Variants in CBLN2 observed in about 807,000 individuals in gnomAD.
CBLN2 encodes cerebellin 2 precursor.
CBLN2 carries 7 observed loss-of-function variants against 15.0 expected under a neutral mutation model. The ratio of observed to expected loss-of-function variants is 0.47; its 90% CI spans 0.27 to 0.88. The LOEUF is 0.88. CBLN2 is among the 40% of genes least tolerant of loss of function. CBLN2 has a pLI of 0.14. For missense variants in CBLN2, 242 were observed against 304.5 expected, an observed-to-expected ratio of 0.79 and a Z score of 1.53; for synonymous variants, 149 against 135.2, an observed-to-expected ratio of 1.10 and a Z score of -0.71.
rs564497790 is a variant in CBLN2 at position 72,538,486 on chromosome 18, A to T, written c.478-113T>A. The T allele has an allele frequency of 2.9e-4, 409 of 1,422,632 alleles. No individual in the cohort carries two copies. In the African/African-American group the frequency reaches 4.7e-3, roughly 16 times the overall value. 88.1% of individuals were successfully genotyped at this position (1,422,632 alleles called of 1,614,324 possible). The stretch of plus-strand genomic sequence containing the variant: ...CCCCCATCCTTCCCTTAGAGTACAC[A>T]TCAGGGGAGCCTGACAGTGAGCACT... On this transcript the variant is annotated intron_variant, in intron 4 of 4. Transcript: ENST00000269503.
At chr18:72,607,299 C>T (rs1003554171) in intron 1 of CBLN2, among the ~76,000 whole-genome samples, 4 of 152,166 alleles carry the variant, frequency 2.6e-5, no homozygotes, top group African/African-American at 9.7e-5. Flanking sequence ...GTTAAGCCAT[C>T]CTTAGCAGAT....
At chr18:72,581,430 A>G (rs2069403783) in intron 1 of CBLN2, among the ~76,000 whole-genome samples, 1 of 152,208 alleles carries the variant, frequency 6.6e-6, no homozygotes, top group Non-Finnish European at 1.5e-5. Context: ...TGGATGTTAT[A>G]ATAAATTTTA....
intron 1 of CBLN2, among the ~76,000 whole-genome samples, chr18:72,588,357 TTC>T (rs1188728556): frequency 1.3e-5 from 2 of 152,224 alleles, no homozygotes; most frequent in African/African-American, 2.4e-5. Context: ...AATATACATC[TTC>T]TCTTTTTCTT....
chr18:72,606,122 AT>A (rs2069581890), intron 1 of CBLN2, among the ~76,000 whole-genome samples: 1 of 152,180 alleles, frequency 6.6e-6, no homozygotes, highest in African/African-American at 2.4e-5. Context: ...AGCTTTTCCT[AT>A]TCTTTAGGAT....
chr18:72,575,596 G>A (rs1340486281), intron 1 of CBLN2, among the ~76,000 whole-genome samples: 1 of 152,126 alleles, frequency 6.6e-6, no homozygotes, highest in Non-Finnish European at 1.5e-5. Context: ...AGAAAGAAGA[G>A]CCCCTGTTTC....
At chr18:72,609,718 C>T (rs2069608232) in intron 1 of CBLN2, among the ~76,000 whole-genome samples, 1 of 152,198 alleles carries the variant, frequency 6.6e-6, no homozygotes, top group African/African-American at 2.4e-5. Context: ...CTCCTAATCA[C>T]TTCTTGTAAG....
upstream of CBLN2, among the ~76,000 whole-genome samples, chr18:72,545,057 C>A (rs1598991106): frequency 6.6e-6 from 1 of 152,230 alleles, no homozygotes; most frequent in South Asian, 2.1e-4. Context: ...CTCCAGACTT[C>A]ACACCGAACC....
chr18:72,552,783 C>G (rs907602755), intron 1 of CBLN2: 29 of 152,046 alleles, frequency 1.9e-4, no homozygotes, highest in Non-Finnish European at 1.5e-5. Flanking sequence ...ATCTTTTAAG[C>G]AGAAAATAGA....
intron 1 of CBLN2, among the ~76,000 whole-genome samples, chr18:72,580,236 T>C (rs1295617716): frequency 1.3e-5 from 2 of 152,142 alleles, no homozygotes; most frequent in Non-Finnish European, 2.9e-5. Flanking sequence ...CTAAATATTA[T>C]ACTTTATAAA....
intron 1 of CBLN2, among the ~76,000 whole-genome samples, chr18:72,553,741 G>A (rs921368819): frequency 8.5e-5 from 13 of 152,086 alleles, no homozygotes; most frequent in Non-Finnish European, 1.5e-4. Context: ...GGGAAACCGT[G>A]GAGCAATGAA....
chr18:72,591,682 C>T (rs1011366000), intron 1 of CBLN2, among the ~76,000 whole-genome samples: 1 of 152,100 alleles, frequency 6.6e-6, no homozygotes, highest in African/African-American at 2.4e-5. Flanking sequence ...CATCATTCTA[C>T]TCTCTATCTC....
At chr18:72,555,875 G>T (rs750849815) in intron 1 of CBLN2, among the ~76,000 whole-genome samples, 19 of 152,136 alleles carry the variant, frequency 1.2e-4, no homozygotes, top group Non-Finnish European at 2.5e-4. Flanking sequence ...CAAGGTATTT[G>T]CACTGTGGGG....
At chr18:72,605,180 G>A (rs2069575045) in intron 1 of CBLN2, among the ~76,000 whole-genome samples, 2 of 152,038 alleles carry the variant, frequency 1.3e-5, no homozygotes, top group African/African-American at 4.8e-5. Flanking sequence ...AAATATGATG[G>A]CCAACTTCCT....
intron 2 of CBLN2, among the ~76,000 whole-genome samples, chr18:72,542,703 C>G (rs535082027): frequency 1.0e-3 from 156 of 152,294 alleles, no homozygotes; most frequent in African/African-American, 3.7e-3. Context: ...GCCTTCTCGC[C>G]TTCATCTCAC....
chr18:72,581,585 T>C (rs2069405248), intron 1 of CBLN2, among the ~76,000 whole-genome samples: 1 of 152,226 alleles, frequency 6.6e-6, no homozygotes, highest in Admixed American at 6.5e-5. Flanking sequence ...GCTTATGTTC[T>C]CATGAGTTTT....
rs2069080993 is a variant in CBLN2 at position 72,538,138 on chromosome 18, C to A, written c.*38G>T. 8 of 1,607,764 alleles carry A rather than the reference C, an allele frequency of 5.0e-6. No homozygotes were observed. The highest frequency in any genetic ancestry group is 6.8e-6 in the Non-Finnish European group (8 of 1,174,462). ...GTTTTAAAGGGCGGAGTCCTGGGTC[C>A]AGTTTGCCATTCCCCCACCATCTAG... On this transcript the variant is annotated 3_prime_UTR_variant, in exon 5 of 5. Coordinates refer to ENST00000269503, the MANE Select transcript of CBLN2 (RefSeq NM_182511.4).
chr18:72,617,077 C>T (rs1420441017), intron 1 of CBLN2, among the ~76,000 whole-genome samples: 1 of 152,072 alleles, frequency 6.6e-6, no homozygotes, highest in African/African-American at 2.4e-5. Flanking sequence ...CCCACCACAC[C>T]TGGCTGACTT....
intron 1 of CBLN2, among the ~76,000 whole-genome samples, chr18:72,628,469 C>T (rs1295445965): frequency 3.9e-5 from 6 of 152,184 alleles, no homozygotes; most frequent in African/African-American, 1.4e-4. Context: ...CCTCAGGGAG[C>T]TCAAGGGCTA....
intron 1 of CBLN2, among the ~76,000 whole-genome samples, chr18:72,634,884 A>G (rs1328290742): frequency 6.6e-6 from 1 of 152,178 alleles, no homozygotes; most frequent in Non-Finnish European, 1.5e-5. Flanking sequence ...AATCCAGTGC[A>G]GTCAAACAGG....
Sources: allele counts gnomAD v4.1 joint callset (sites outside exome capture counted in the v4.1 genomes callset), GRCh38; gene constraint gnomAD v4.1.1; transcripts MANE v1.5; gene names NCBI Gene and HGNC (gene_info 2026-07-23, HGNC 2026-07-21).